Variants in ME2 observed in about 807,000 individuals in gnomAD.
The protein encoded by ME2 is malic enzyme 2, also known as NAD-dependent malic enzyme, mitochondrial.
In ME2, 60 loss-of-function variants were observed where a neutral mutation model predicts 73.7. That is an observed-to-expected ratio of 0.81 (90% CI 0.66 to 1.01). The LOEUF (loss-of-function observed/expected upper bound fraction) is 1.01, where lower values mean the gene tolerates loss of function less well. Among genes scored for constraint, ME2 ranks in the 50% least tolerant of loss-of-function variants. The pLI is 0.00. For missense variants in ME2, 594 were observed against 705.5 expected (o/e 0.84, Z 1.79); for synonymous variants, 199 against 236.9 (o/e 0.84, Z 1.47).
At chr18:50,903,575 G>C (rs1400902576) in intron 2 of ME2, among the ~76,000 whole-genome samples, 1 of 151,954 alleles carries the variant, frequency 6.6e-6, no homozygotes, top group African/African-American at 2.4e-5. Flanking sequence ...CTCAGCCTCT[G>C]AGTACCTGGT....
chr18:50,925,951 A>G, intron 12 of ME2, 53 bp downstream of exon 12: 2 of 1,271,366 alleles, frequency 1.6e-6, no homozygotes, highest in East Asian at 2.4e-5. Flanking sequence ...CCACTAGCTT[A>G]TTAGTTATAC....
chr18:50,884,232 T>C (rs1181160557), intron 1 of ME2, among the ~76,000 whole-genome samples: 2 of 152,310 alleles, frequency 1.3e-5, no homozygotes, highest in East Asian at 3.9e-4. Flanking sequence ...TAATATATGT[T>C]TTATCTTTAA....
intron 1 of ME2, among the ~76,000 whole-genome samples, chr18:50,884,100 G>A (rs916206132): frequency 6.6e-6 from 1 of 151,730 alleles, no homozygotes. Context: ...TTCCAATTTC[G>A]GCAAAGATTG....
rs138216460 is a variant in ME2 at position 50,947,127 on chromosome 18, G to T, written c.1698G>T (p.Leu566=). 4.9e-4 allele frequency: 798 copies of T among 1,613,964 alleles called. 11 individuals carry two copies. The East Asian group carries it at 0.017, about 34-fold the overall frequency. ...GGCGGAGTGAATATGATTCCCTGCTGCCAGATGTGTATGAATGGCCAGAAT... is the reference window on the plus strand; with the variant it reads ...GGCGGAGTGAATATGATTCCCTGCTTCCAGATGTGTATGAATGGCCAGAAT... ...RTWRSEYDSL[L]PDVYEWPESA... is the part of the protein sequence containing the mutation. Residue 566 remains leucine (L), a synonymous_variant, in exon 16 of 16, where the codon CTG becomes CTT. Coordinates refer to ENST00000321341, the MANE Select transcript of ME2 (RefSeq NM_002396.5).
At chr18:50,903,798 C>A (rs1182121290) in intron 2 of ME2, among the ~76,000 whole-genome samples, 1 of 152,150 alleles carries the variant, frequency 6.6e-6, no homozygotes, top group Non-Finnish European at 1.5e-5. Context: ...TACGTTTTAG[C>A]CTTTTCCTTT....
intron 12 of ME2, among the ~76,000 whole-genome samples, chr18:50,926,353 C>A (rs568222629): frequency 6.6e-5 from 10 of 152,280 alleles, no homozygotes; most frequent in African/African-American, 1.9e-4. Flanking sequence ...TCTGCATAGA[C>A]GTAAAAGTTG....
At chr18:50,940,475 T>C (rs1917921438) in intron 15 of ME2, 89 bp downstream of exon 15, 1 of 894,746 alleles carries the variant, frequency 1.1e-6, no homozygotes, top group Non-Finnish European at 1.7e-6. Flanking sequence ...ATCTGAAACA[T>C]TTAGAAGGCT....
chr18:50,904,652 A>C (rs1360618480), intron 2 of ME2, among the ~76,000 whole-genome samples: 1 of 152,046 alleles, frequency 6.6e-6, no homozygotes. Flanking sequence ...TCCTGACCTC[A>C]GGTGATCCAC....
chr18:50,931,483 T>C (rs1917688036), intron 12 of ME2, among the ~76,000 whole-genome samples: 1 of 152,200 alleles, frequency 6.6e-6, no homozygotes, highest in Admixed American at 6.5e-5. Context: ...GAGATGATGA[T>C]GAAGTTTTCA....
chr18:50,909,611 G>T (rs538240903), intron 3 of ME2, among the ~76,000 whole-genome samples: 1 of 152,142 alleles, frequency 6.6e-6, no homozygotes, highest in African/African-American at 2.4e-5. Context: ...GGTAAGAGTG[G>T]TTTCTTTGAT....
chr18:50,887,308 G>A (rs1916495947), intron 1 of ME2, among the ~76,000 whole-genome samples: 1 of 152,166 alleles, frequency 6.6e-6, no homozygotes, highest in Admixed American at 6.5e-5. Flanking sequence ...ATCTCCACAT[G>A]CAGGAGTGAA....
intron 6 of ME2, among the ~76,000 whole-genome samples, chr18:50,917,836 G>A (rs994616574): frequency 1.1e-4 from 17 of 152,072 alleles, no homozygotes; most frequent in African/African-American, 3.4e-4. Context: ...TTAGCTGGGC[G>A]TGGTGGCACA....
chr18:50,889,906 C>A (rs1916565470), intron 1 of ME2, among the ~76,000 whole-genome samples: 1 of 151,980 alleles, frequency 6.6e-6, no homozygotes, highest in Non-Finnish European at 1.5e-5. Context: ...AGTTTAAGGT[C>A]AAAAAGATGT....
At chr18:50,931,866 G>A (rs1345518570) in intron 12 of ME2, among the ~76,000 whole-genome samples, 1 of 151,854 alleles carries the variant, frequency 6.6e-6, no homozygotes, top group African/African-American at 2.4e-5. Context: ...TGTATTTTTT[G>A]TAGAGATAGG....
In ME2 at chr18:50,949,432, C is replaced by G. The variant is rs1918169884; in HGVS notation, c.*2248C>G. 1 of 152,258 alleles carries G rather than the reference C, an allele frequency of 6.6e-6. No individual in the cohort carries two copies. Among genetic ancestry groups the G allele is most frequent in the African/African-American group, 2.4e-5 (1 of 41,432 alleles). 9.4% of individuals were successfully genotyped at this position (152,258 alleles called of 1,614,324 possible). ...CACTGCAGCCTGGAACTCCTGGGTT[C>G]AAGCTCTCCTCCTGCCTCAGCCTCC... On this transcript the variant is annotated 3_prime_UTR_variant, in exon 16 of 16. Coordinates refer to ENST00000321341, the MANE Select transcript of ME2 (RefSeq NM_002396.5).
Position 50,889,889 on chromosome 18 carries a change from A to G in ME2, c.-12-5920A>G, listed in dbSNP as rs189625226. Reference sequence around the variant, plus strand: ...TTCCACAGGCCCTTTTGGAATGTCCAAGAGTTAGTTTAAGGTCAAAAAGAT... The same window carrying G: ...TTCCACAGGCCCTTTTGGAATGTCCGAGAGTTAGTTTAAGGTCAAAAAGAT... On this transcript the variant is annotated intron_variant, in intron 1 of 15. Coordinates refer to ENST00000321341, the MANE Select transcript of ME2 (RefSeq NM_002396.5). Among the ~76,000 whole-genome samples the G allele has an allele frequency of 9.2e-4, 140 of 152,332 alleles. 1 individual carries two copies. The highest frequency in any genetic ancestry group is 1.7e-3 in the Non-Finnish European group (113 of 68,030).
At chr18:50,921,640 G>A (rs1266715957) in intron 10 of ME2, among the ~76,000 whole-genome samples, 3 of 151,988 alleles carry the variant, frequency 2.0e-5, no homozygotes, top group African/African-American at 7.3e-5. Flanking sequence ...GCAGTGGTGC[G>A]ATGTCACCTC....
intron 13 of ME2, chr18:50,934,246 T>C (rs1160199503): frequency 6.6e-6 from 1 of 152,230 alleles, no homozygotes; most frequent in African/African-American, 2.4e-5. Flanking sequence ...CAAAACCATA[T>C]TTTATATCAT....
In ME2 at chr18:50,917,335, T is replaced by A. The variant is rs1020653277; in HGVS notation, c.469-12T>A. The A allele has an allele frequency of 6.3e-7, 1 of 1,591,998 alleles. No homozygotes were observed. The highest frequency in any genetic ancestry group is 8.6e-7 in the Non-Finnish European group (1 of 1,167,916). ...TTTGACAACTTTTAATTTGCATTTT[T>A]TTGTGATTAAGGCTGTTGTAGTGAC... On this transcript the variant is annotated splice_polypyrimidine_tract_variant and intron_variant, in intron 5 of 15. Transcript: ENST00000321341.
Sources: allele counts gnomAD v4.1 joint callset (sites outside exome capture counted in the v4.1 genomes callset), GRCh38; gene constraint gnomAD v4.1.1; transcripts MANE v1.5; gene names NCBI Gene and HGNC (gene_info 2026-07-23, HGNC 2026-07-21).